CTNNA2: variants seen among roughly 807,000 people sequenced by gnomAD.
CTNNA2 encodes catenin alpha-2.
In CTNNA2, 42 loss-of-function variants were observed where a neutral mutation model predicts 101.0. The ratio of observed to expected loss-of-function variants is 0.42; its 90% CI spans 0.32 to 0.54. CTNNA2 has a LOEUF of 0.54. Among genes scored for constraint, CTNNA2 ranks in the 20% least tolerant of loss-of-function variants. The pLI, the probability that CTNNA2 is intolerant of heterozygous loss-of-function variation, is 0.14. For missense variants in CTNNA2, 871 were observed against 1,223.1 expected, an observed-to-expected ratio of 0.71 and a Z score of 4.29; for synonymous variants, 450 against 456.4, an observed-to-expected ratio of 0.99 and a Z score of 0.18.
chr2:80,588,632 A>C (rs1235211795), intron 14 of CTNNA2, among the ~76,000 whole-genome samples: 1 of 152,106 alleles, frequency 6.6e-6, no homozygotes, highest in African/African-American at 2.4e-5. Flanking sequence ...CATGCTTCCT[A>C]ATTTTATCCT....
At chr2:79,198,672 A>G (rs1673993348) in intron 2 of CTNNA2, among the ~76,000 whole-genome samples, 1 of 148,886 alleles carries the variant, frequency 6.7e-6, no homozygotes, top group Non-Finnish European at 1.5e-5. Flanking sequence ...TGGTTAACTG[A>G]TGCTACTCAT....
At position 80,457,006 on chromosome 2, in the gene CTNNA2, A is replaced by G. The variant is rs112622447; in HGVS notation, c.1290+37405A>G. Among the ~76,000 whole-genome samples the G allele has an allele frequency of 5.1e-3, 777 of 152,318 alleles. 4 individuals carry two copies. The highest frequency in any genetic ancestry group is 7.8e-3 in the Non-Finnish European group (530 of 68,032). ...AAGTATTTGGAATGTTTTCAACACG[A>G]AAGAATGATAACTGTTTGAGGTGAT... is the stretch of plus-strand genomic sequence containing the variant. On this transcript the variant is annotated intron_variant, in intron 9 of 18. Transcript: ENST00000402739.
chr2:80,184,694 G>T (rs1705996827), intron 7 of CTNNA2, among the ~76,000 whole-genome samples: 1 of 152,100 alleles, frequency 6.6e-6, no homozygotes, highest in South Asian at 2.1e-4. Context: ...TGAAGAATGT[G>T]TGCCTGTCTT....
At chr2:79,241,543 G>A (rs771230619) in intron 2 of CTNNA2, among the ~76,000 whole-genome samples, 5 of 152,130 alleles carry the variant, frequency 3.3e-5, no homozygotes, top group Admixed American at 6.5e-5. Context: ...AAAAAAAATA[G>A]GTGTCTATTT....
At chr2:79,218,463 G>A (rs1009803848) in intron 2 of CTNNA2, among the ~76,000 whole-genome samples, 2 of 152,092 alleles carry the variant, frequency 1.3e-5, no homozygotes, top group African/African-American at 2.4e-5. Context: ...GATTATAGGC[G>A]TGAGCCACTG....
chr2:79,456,157 A>G (rs1670818000), intron 4 of CTNNA2, among the ~76,000 whole-genome samples: 1 of 150,648 alleles, frequency 6.6e-6, no homozygotes, highest in South Asian at 2.1e-4. Flanking sequence ...TAAATTATTT[A>G]ATAATTTAAT....
intron 4 of CTNNA2, among the ~76,000 whole-genome samples, chr2:79,482,773 C>A (rs1486103536): frequency 2.0e-5 from 3 of 152,178 alleles, no homozygotes; most frequent in Non-Finnish European, 4.4e-5. Flanking sequence ...GAGAACTGAC[C>A]TTATCAGTCA....
intron 6 of CTNNA2, among the ~76,000 whole-genome samples, chr2:79,886,076 G>A (rs922875011): frequency 1.3e-4 from 20 of 152,284 alleles, no homozygotes; most frequent in Admixed American, 1.2e-3. Context: ...AGCTATAGAC[G>A]CTGCAATGCA....
chr2:80,608,352 C>A, intron 17 of CTNNA2, 34 bp downstream of exon 17: 2 of 1,584,700 alleles, frequency 1.3e-6, no homozygotes, highest in South Asian at 2.3e-5. Flanking sequence ...ATGTAAAGTT[C>A]CCACCGTTGC....
intron 7 of CTNNA2, among the ~76,000 whole-genome samples, chr2:80,001,847 G>A (rs1280897569): frequency 1.3e-5 from 2 of 152,138 alleles, no homozygotes; most frequent in African/African-American, 4.8e-5. Context: ...AAAACATAAA[G>A]TGTGCTATTC....
chr2:79,924,901 C>T (rs577621138), intron 7 of CTNNA2, among the ~76,000 whole-genome samples: 4 of 152,112 alleles, frequency 2.6e-5, no homozygotes, highest in Middle Eastern at 3.4e-3. Flanking sequence ...GTTCATGTAA[C>T]GTAACTATAG....
At chr2:79,956,216 G>A (rs374932063) in intron 7 of CTNNA2, among the ~76,000 whole-genome samples, 17 of 152,086 alleles carry the variant, frequency 1.1e-4, no homozygotes, top group African/African-American at 3.6e-4. Flanking sequence ...TTTACACACT[G>A]AGACTCCAGA....
intron 4 of CTNNA2, among the ~76,000 whole-genome samples, chr2:79,439,055 G>A (rs1678749284): frequency 6.6e-6 from 1 of 152,142 alleles, no homozygotes; most frequent in African/African-American, 2.4e-5. Flanking sequence ...AGGACCCAGT[G>A]AACATGTTCC....
intron 7 of CTNNA2, among the ~76,000 whole-genome samples, chr2:80,350,224 C>T (rs1288825983): frequency 1.3e-5 from 2 of 152,114 alleles, no homozygotes; most frequent in Non-Finnish European, 2.9e-5. Flanking sequence ...GTTTGGAATC[C>T]TTGGCCCTGA....
At chr2:79,597,962 C>G (rs574952400) in intron 1 of CTNNA2, among the ~76,000 whole-genome samples, 87 of 152,336 alleles carry the variant, frequency 5.7e-4, no homozygotes, top group African/African-American at 2.0e-3. Flanking sequence ...CCTCCCACCC[C>G]CTTAACCTCA....
At chr2:80,522,688 C>T (rs1689672236) in intron 9 of CTNNA2, among the ~76,000 whole-genome samples, 2 of 152,032 alleles carry the variant, frequency 1.3e-5, no homozygotes, top group Non-Finnish European at 2.9e-5. Flanking sequence ...AAGTATGTAG[C>T]ACCCAGCCCC....
At chr2:80,124,625 C>G in intron 7 of CTNNA2, among the ~76,000 whole-genome samples, 1 of 152,088 alleles carries the variant, frequency 6.6e-6, no homozygotes, top group East Asian at 1.9e-4. Flanking sequence ...GTATTTGCTT[C>G]CCTACCCAAA....
chr2:79,851,586 A>G (rs914696900), intron 3 of CTNNA2, among the ~76,000 whole-genome samples: 2 of 152,142 alleles, frequency 1.3e-5, no homozygotes, highest in African/African-American at 4.8e-5. Flanking sequence ...GAATCCTTTA[A>G]GATCTGTACT....
chr2:80,260,821 T>C (rs1672551875), intron 7 of CTNNA2, among the ~76,000 whole-genome samples: 1 of 152,252 alleles, frequency 6.6e-6, no homozygotes, highest in Non-Finnish European at 1.5e-5. Flanking sequence ...AGCTGATAAT[T>C]CGTAATTGAA....
Sources: gnomAD v4.1 joint callset for allele counts (sites outside exome capture counted in the v4.1 genomes callset) on GRCh38, gnomAD v4.1.1 for gene constraint, MANE v1.5 for transcripts, NCBI Gene and HGNC (gene_info 2026-07-23, HGNC 2026-07-21) for gene names.